The following NRP2 variants were observed in gnomAD, a reference collection of about 807,000 sequenced individuals.
NRP2 encodes neuropilin 2.
Under a neutral mutation model 110.4 loss-of-function variants are expected in NRP2, and 52 were observed. The ratio of observed to expected loss-of-function variants is 0.47; its 90% CI spans 0.38 to 0.59. NRP2 has a LOEUF of 0.59. Ranked by LOEUF, NRP2 falls within the 20% of genes least tolerant of loss-of-function variation. The pLI is 0.00. For missense variants in NRP2, 1,049 were observed against 1,203.0 expected (o/e 0.87, Z 1.89); for synonymous variants, 508 against 468.9 (o/e 1.08, Z -1.08).
At chr2:205,694,403 C>G (rs558076396) in intron 1 of NRP2, among the ~76,000 whole-genome samples, 1 of 152,310 alleles carries the variant, frequency 6.6e-6, no homozygotes, top group South Asian at 2.1e-4. Context: ...AGCCTTCCCT[C>G]CCAGGTATAG....
chr2:205,755,706 C>T (rs957978995), intron 12 of NRP2, among the ~76,000 whole-genome samples: 45 of 152,098 alleles, frequency 3.0e-4, no homozygotes, highest in Middle Eastern at 3.4e-3. Context: ...GGGTTCAGAG[C>T]GGCTGGCGCC....
chr2:205,789,715 A>G (rs1200051826), intron 15 of NRP2, among the ~76,000 whole-genome samples: 1 of 152,090 alleles, frequency 6.6e-6, no homozygotes, highest in African/African-American at 2.4e-5. Context: ...TACCTGCCAC[A>G]CCTTGCCTAT....
intron 3 of NRP2, among the ~76,000 whole-genome samples, chr2:205,721,111 G>C (rs1387421648): frequency 6.6e-6 from 1 of 152,144 alleles, no homozygotes; most frequent in Non-Finnish European, 1.5e-5. Context: ...TCAGACATTT[G>C]CCTCTTTCCA....
chr2:205,748,423 G>A (rs1327278271), intron 10 of NRP2, among the ~76,000 whole-genome samples: 1 of 152,130 alleles, frequency 6.6e-6, no homozygotes, highest in African/African-American at 2.4e-5. Context: ...CTTTACAATC[G>A]AGTTTCTATG....
Position 205,752,963 on chromosome 2 carries a change from C to T in NRP2, c.2032C>T (p.Arg678Trp), listed in dbSNP as rs758929719. Residue 678 changes from arginine to tryptophan, a missense_variant, in exon 12 of 17, where the codon CGG becomes TGG. Transcript: ENST00000357785. ...TWASSSSPND[R>W]TFPDDRNFLR... is the part of the protein sequence containing the mutation. ...GGCCAGCAGCTCCAGCCCAAACGAC[C>T]GGACGTTTCCAGGTAAGCCAGCTGT... The T allele has an allele frequency of 3.0e-5, 49 of 1,613,438 alleles. No homozygotes were observed. The highest frequency in any genetic ancestry group is 3.0e-4 in the South Asian group (27 of 91,062).
chr2:205,766,879 G>A, intron 15 of NRP2, 76 bp downstream of exon 15: 1 of 1,342,180 alleles, frequency 7.5e-7, no homozygotes, highest in Non-Finnish European at 1.1e-6. Flanking sequence ...GAATTTGATG[G>A]GGGGAATCAA....
chr2:205,725,794 G>C lies in NRP2; in HGVS notation c.821-119G>C. ...TTTTAAAATGTGAGCATATAATTAG[G>C]GTCTTTTAAATGAGGAAGTGCCTGC... On this transcript the variant is annotated intron_variant, in intron 5 of 16. Transcript: ENST00000357785. This position sits in a 1 kb window ranked among gnomAD's most constrained non-coding sequence, Gnocchi z 4.1. 1.0e-6 allele frequency: 1 copy of C among 952,426 alleles called. No homozygotes were observed. Among genetic ancestry groups the C allele is most frequent in the South Asian group, 1.3e-5 (1 of 74,098 alleles). 59.0% of individuals were successfully genotyped at this position (952,426 alleles called of 1,614,324 possible).
At chr2:205,698,221 T>G (rs564614072) in intron 2 of NRP2, among the ~76,000 whole-genome samples, 390 of 141,836 alleles carry the variant, frequency 2.7e-3, no homozygotes, top group African/African-American at 9.9e-3. Context: ...AAAAAAAGGG[T>G]AAAAAAAAAA....
At chr2:205,732,133 G>A (rs1356376760) in intron 7 of NRP2, among the ~76,000 whole-genome samples, 1 of 152,154 alleles carries the variant, frequency 6.6e-6, no homozygotes, top group Non-Finnish European at 1.5e-5. Flanking sequence ...CATTTTCCTG[G>A]AAAGCCTCCT....
At chr2:205,747,554 G>A (rs1347717275) in intron 10 of NRP2, among the ~76,000 whole-genome samples, 3 of 152,166 alleles carry the variant, frequency 2.0e-5, no homozygotes, top group African/African-American at 7.2e-5. Context: ...AAATATTATA[G>A]TCGGTATGTT....
intron 15 of NRP2, among the ~76,000 whole-genome samples, chr2:205,769,877 C>T (rs550353227): frequency 1.1e-4 from 17 of 152,262 alleles, no homozygotes; most frequent in African/African-American, 3.6e-4. Flanking sequence ...GGATTATTTC[C>T]TCTTACCCAA....
chr2:205,757,382 T>C (rs1327057866), intron 12 of NRP2, among the ~76,000 whole-genome samples: 1 of 152,130 alleles, frequency 6.6e-6, no homozygotes, highest in African/African-American at 2.4e-5. Flanking sequence ...GACTGAGCCA[T>C]TGAATGAATT....
intron 12 of NRP2, among the ~76,000 whole-genome samples, chr2:205,758,124 A>G (rs1029110635): frequency 7.2e-5 from 11 of 152,316 alleles, no homozygotes; most frequent in South Asian, 2.1e-4. Context: ...AAGTTTATCC[A>G]AAGTCAGTGT....
intron 3 of NRP2, among the ~76,000 whole-genome samples, chr2:205,719,727 G>A (rs2056973936): frequency 6.6e-6 from 1 of 152,182 alleles, no homozygotes; most frequent in East Asian, 1.9e-4. Context: ...ACCTTCTGCG[G>A]GGAAGGCAAA....
At chr2:205,775,581 G>C (rs2058085432) in intron 15 of NRP2, among the ~76,000 whole-genome samples, 1 of 152,184 alleles carries the variant, frequency 6.6e-6, no homozygotes, top group African/African-American at 2.4e-5. Context: ...GGATGCATTA[G>C]TCATGACTTA....
chr2:205,759,904 T>C (rs1428726610), intron 12 of NRP2: 1 of 152,248 alleles, frequency 6.6e-6, no homozygotes, highest in Non-Finnish European at 1.5e-5. Flanking sequence ...CTCTATGCAG[T>C]AAGACTGTCT....
At chr2:205,689,349 TG>T (rs1178759671) in intron 1 of NRP2, among the ~76,000 whole-genome samples, 1 of 152,202 alleles carries the variant, frequency 6.6e-6, no homozygotes, top group Non-Finnish European at 1.5e-5. Flanking sequence ...TAAATGTGTT[TG>T]GTAACAATAC....
In NRP2 at chr2:205,749,857, C is replaced by A. The variant is rs2057611200; in HGVS notation, c.1903+16C>A. 1 of 1,590,820 alleles carries A rather than the reference C, an allele frequency of 6.3e-7. No individual in the cohort carries two copies. The highest frequency in any genetic ancestry group is 1.1e-5 in the South Asian group (1 of 90,584). ...TTTGAGGATGGTAAGCACAAATTGC[C>A]TCCAGATGGCATGGGTGCGGACTAG... On this transcript the variant is annotated intron_variant, in intron 11 of 16. Coordinates refer to ENST00000357785, the MANE Select transcript of NRP2 (RefSeq NM_003872.3).
rs75597678 is a variant in NRP2, at chr2:205,766,091, C to T, written c.2404+521C>T. On this transcript the variant is annotated intron_variant, in intron 14 of 16. Transcript: ENST00000357785. Reference sequence around the variant, plus strand: ...TTCTTTAAAACGAATACCTCTAATGCCCAAGATCCCAAAGTTGTTGTAGGA... The same window carrying T: ...TTCTTTAAAACGAATACCTCTAATGTCCAAGATCCCAAAGTTGTTGTAGGA... Among the ~76,000 whole-genome samples, 3 of 152,290 alleles carry T rather than the reference C, an allele frequency of 2.0e-5. No individual in the cohort carries two copies. The East Asian group carries it at 5.8e-4, about 29-fold the overall frequency.
Sources: gnomAD v4.1 joint callset for allele counts (sites outside exome capture counted in the v4.1 genomes callset) on GRCh38, gnomAD v4.1.1 for gene constraint, Gnocchi (gnomAD v3.1) non-coding constraint, MANE v1.5 for transcripts, NCBI Gene and HGNC (gene_info 2026-07-23, HGNC 2026-07-21) for gene names.